KIF6: variants seen among roughly 807,000 people sequenced by gnomAD.
KIF6 encodes the protein kinesin family member 6, also known as kinesin-like protein KIF6.
Under a neutral mutation model 112.7 loss-of-function variants are expected in KIF6, and 106 were observed. The ratio of observed to expected loss-of-function variants is 0.94; its 90% CI spans 0.80 to 1.11. The LOEUF (loss-of-function observed/expected upper bound fraction) is 1.11. Among genes scored for constraint, KIF6 ranks in the 50% least tolerant of loss-of-function variants. KIF6 has a pLI of 0.00. For missense variants in KIF6, 929 were observed against 964.0 expected (o/e 0.96, Z 0.48); for synonymous variants, 339 against 339.9 (o/e 1.00, Z 0.03).
Position 39,720,767 on chromosome 6 carries a change from T to C in KIF6, c.111A>G (p.Glu37=). The part of the protein sequence containing the change: ...DEDEKLIPSL[E]IILPRDLADG... Reference sequence around the variant, plus strand: ...CTGCCAAATCACGTGGTAAGATGATTTCCAAGCTAGGTATTAATTTTTCAT... The same window carrying C: ...CTGCCAAATCACGTGGTAAGATGATCTCCAAGCTAGGTATTAATTTTTCAT... The change falls in exon 2 of 23, where the codon GAA becomes GAG. Residue 37 remains glutamate (E), a synonymous_variant. Coordinates refer to ENST00000287152, the MANE Select transcript of KIF6 (RefSeq NM_145027.6). 6.2e-7 allele frequency: 1 copy of C among 1,608,048 alleles called. No homozygotes were observed. The highest frequency in any genetic ancestry group is 1.1e-5 in the South Asian group (1 of 90,938).
chr6:39,382,376 G>A (rs994513042), intron 16 of KIF6, among the ~76,000 whole-genome samples: 1 of 152,122 alleles, frequency 6.6e-6, no homozygotes, highest in African/African-American at 2.4e-5. Flanking sequence ...ATGTCTGTGT[G>A]AACTCAAGAT....
At chr6:39,696,938 GA>G (rs67801153) in intron 3 of KIF6, among the ~76,000 whole-genome samples, 5,468 of 148,842 alleles carry the variant, frequency 0.037, 297 homozygotes, top group African/African-American at 0.13. Context: ...GGCAGAATTA[GA>G]AAAAAAAAAT....
intron 6 of KIF6, among the ~76,000 whole-genome samples, chr6:39,599,650 T>C (rs1314995536): frequency 1.3e-5 from 2 of 152,214 alleles, no homozygotes; most frequent in Non-Finnish European, 2.9e-5. Context: ...TGGAAGTGAC[T>C]GTAAGTTATT....
chr6:39,423,338 G>T (rs904058813), intron 14 of KIF6, among the ~76,000 whole-genome samples: 3 of 152,094 alleles, frequency 2.0e-5, no homozygotes, highest in African/African-American at 7.2e-5. Flanking sequence ...GGCTTCCAAG[G>T]GCCCCGGCTC....
chr6:39,343,794 C>T lies in KIF6; in HGVS notation c.2343G>A (p.Ser781=), dbSNP rs34836492. The change falls in exon 22 of 23, where the codon TCG becomes TCA. Residue 781 remains serine, a synonymous_variant. Coordinates refer to ENST00000287152, the MANE Select transcript of KIF6 (RefSeq NM_145027.6). The surrounding 1 kb of genome is among the most constrained non-coding windows in gnomAD (Gnocchi z 4.1). The stretch of plus-strand genomic sequence containing the variant: ...GGCTGTCTCCGGTGAGAGGGATGGA[C>T]GACACTGGCCTCTTGGGGATGCTGG... The part of the protein sequence containing the change: ...LEDSIPKRPV[S]SIPLTGDSQT... 2.2e-3 allele frequency: 3,486 copies of T among 1,610,108 alleles called. 51 individuals are homozygous for T. In the African/African-American group the frequency reaches 0.037, roughly 17 times the overall value.
At chr6:39,723,236 C>T (rs779326507) in intron 1 of KIF6, among the ~76,000 whole-genome samples, 4 of 152,098 alleles carry the variant, frequency 2.6e-5, no homozygotes, top group Non-Finnish European at 5.9e-5. Flanking sequence ...ATAAATTATA[C>T]GAGGCAAATG....
intron 10 of KIF6, among the ~76,000 whole-genome samples, chr6:39,557,511 A>G (rs1391544257): frequency 6.6e-6 from 1 of 152,184 alleles, no homozygotes; most frequent in African/African-American, 2.4e-5. Context: ...ACAAGAACAT[A>G]CTGGGAGTTT....
At chr6:39,567,862 C>A (rs1780396255) in intron 10 of KIF6, among the ~76,000 whole-genome samples, 1 of 152,164 alleles carries the variant, frequency 6.6e-6, no homozygotes, top group Admixed American at 6.5e-5. Context: ...CCGCCTTGGC[C>A]TCCCAAAGTG....
chr6:39,392,166 TCTTA>T (rs540255548), intron 15 of KIF6, among the ~76,000 whole-genome samples: 101 of 152,302 alleles, frequency 6.6e-4, no homozygotes, highest in African/African-American at 2.3e-3. Flanking sequence ...TCATTCTGTT[TCTTA>T]CTTATTTATT....
chr6:39,615,703 C>T (rs1053746673), intron 5 of KIF6, among the ~76,000 whole-genome samples: 1 of 152,070 alleles, frequency 6.6e-6, no homozygotes, highest in African/African-American at 2.4e-5. Flanking sequence ...GATTTTTTAT[C>T]TTTACTTTCC....
Position 39,613,389 on chromosome 6 carries a change from C to T in KIF6, c.510-71G>A. 6.2e-6 allele frequency: 8 copies of T among 1,294,364 alleles called. No individual in the cohort carries two copies. The South Asian group carries it at 1.2e-4, about 19-fold the overall frequency. The allele number at this position is 1,294,364 out of a possible 1,614,324, so 80.2% of individuals were successfully genotyped here. A position where few individuals can be genotyped will look rare whatever the true frequency, so the allele number is the denominator to read the frequency against. On this transcript the variant is annotated intron_variant, in intron 5 of 22. Transcript: ENST00000287152. ...AAGAACTTGAAGTCTTCCCTACAGG[C>T]TTTTAAAAAGCTGTATAGTATGACG... is the stretch of plus-strand genomic sequence containing the variant.
chr6:39,643,358 G>C (rs1785006371), intron 3 of KIF6, among the ~76,000 whole-genome samples: 1 of 152,174 alleles, frequency 6.6e-6, no homozygotes, highest in Non-Finnish European at 1.5e-5. Flanking sequence ...ACACAGAATA[G>C]CTAAAACAAT....
chr6:39,460,535 G>GAA (rs1491244154), intron 13 of KIF6, among the ~76,000 whole-genome samples: 4 of 31,618 alleles, frequency 1.3e-4, no homozygotes, highest in Non-Finnish European at 2.8e-4. Context: ...AAAAAAAAAA[G>GAA]TAAAAAAAAA....
At position 39,540,316 on chromosome 6, in the gene KIF6, A is replaced by G. The variant is rs1373096854; in HGVS notation, c.1427-95T>C. The G allele has an allele frequency of 6.1e-6, 5 of 819,464 alleles. No individual in the cohort carries two copies. In the African/African-American group the frequency reaches 8.5e-5, roughly 14 times the overall value. The allele number at this position is 819,464 out of a possible 1,614,324, so 50.8% of individuals were successfully genotyped here. On this transcript the variant is annotated intron_variant, in intron 12 of 22. Coordinates refer to ENST00000287152, the MANE Select transcript of KIF6 (RefSeq NM_145027.6). ...GTCATTAATGTTCCTAACATTTGCT[A>G]TTTATCATGTGGTAAAGACTGAAGG...
Position 39,346,085 on chromosome 6 carries a change from T to TCTCTCTCTCTCTCTCC in KIF6, c.2232-297_2232-296insGGAGAGAGAGAGAGAG, listed in dbSNP as rs1212794740. On this transcript the variant is annotated intron_variant, in intron 20 of 22. Coordinates refer to ENST00000287152, the MANE Select transcript of KIF6 (RefSeq NM_145027.6). Reference sequence around the variant, plus strand: ...CTCTCTCTCTCTCTCTCTCTCTCTCTCCCCCCCCTCTCCCTCCCCCCCTCC... The same window carrying TCTCTCTCTCTCTCTCC: ...CTCTCTCTCTCTCTCTCTCTCTCTCTCTCTCTCTCTCTCTCCCCCCCCCCTCTCCCTCCCCCCCTCC... Among the ~76,000 whole-genome samples the TCTCTCTCTCTCTCTCC allele has an allele frequency of 1.2e-3, 26 of 21,606 alleles. 5 individuals are homozygous for TCTCTCTCTCTCTCTCC. The highest frequency in any genetic ancestry group is 3.1e-3 in the Admixed American group (5 of 1,598). 14.2% of individuals were successfully genotyped at this position (21,606 alleles called of 152,430 possible).
At chr6:39,605,454 T>G (rs1202836474) in intron 6 of KIF6, among the ~76,000 whole-genome samples, 3 of 152,106 alleles carry the variant, frequency 2.0e-5, no homozygotes, top group African/African-American at 7.2e-5. Flanking sequence ...CAAACTGTCT[T>G]TTTTATACAT....
intron 13 of KIF6, among the ~76,000 whole-genome samples, chr6:39,477,609 T>C (rs556342262): frequency 1.3e-5 from 2 of 152,338 alleles, no homozygotes; most frequent in Admixed American, 1.3e-4. Context: ...ACGCCTGTAA[T>C]CCCAGCACTT....
At chr6:39,525,427 T>C (rs9369122) in intron 13 of KIF6, among the ~76,000 whole-genome samples, 69,899 of 152,064 alleles carry the variant, frequency 0.46, 19,203 homozygotes, top group African/African-American at 0.77. Flanking sequence ...GTAGGCAATA[T>C]TCATCCTAGT....
In KIF6 at chr6:39,369,235, C is replaced by T. The variant is rs58238730; in HGVS notation, c.1862-6717G>A. Among the ~76,000 whole-genome samples the T allele has an allele frequency of 1.7e-3, 261 of 152,274 alleles. 1 individual carries two copies. The highest frequency in any genetic ancestry group is 5.4e-3 in the African/African-American group (225 of 41,542). On this transcript the variant is annotated intron_variant, in intron 16 of 22. Coordinates refer to ENST00000287152, the MANE Select transcript of KIF6 (RefSeq NM_145027.6). ...GTCAGCTGGAGCCGTCACATGCCGACGGGTGCTCAGTGCTGCCATCCATCC... is the reference window on the plus strand; with the variant it reads ...GTCAGCTGGAGCCGTCACATGCCGATGGGTGCTCAGTGCTGCCATCCATCC...
Sources: gnomAD v4.1 joint callset for allele counts (sites outside exome capture counted in the v4.1 genomes callset) on GRCh38, gnomAD v4.1.1 for gene constraint, Gnocchi (gnomAD v3.1) non-coding constraint, MANE v1.5 for transcripts, NCBI Gene and HGNC (gene_info 2026-07-23, HGNC 2026-07-21) for gene names.